MGAT5: variants seen among roughly 807,000 people sequenced by gnomAD.
The protein encoded by MGAT5 is alpha-1,6-mannosylglycoprotein 6-beta-N-acetylglucosaminyltransferase, also known as alpha-1,6-mannosylglycoprotein 6-beta-N-acetylglucosaminyltransferase A.
A neutral mutation model predicts 94.3 loss-of-function variants in MGAT5; 30 were observed. The ratio of observed to expected loss-of-function variants is 0.32; its 90% CI spans 0.24 to 0.43. The LOEUF (loss-of-function observed/expected upper bound fraction) is 0.43, where lower values mean the gene tolerates loss of function less well. MGAT5 is among the 20% of genes least tolerant of loss of function. The probability of loss-of-function intolerance (pLI) is 1.00; values close to 1 mark genes in which losing one functional copy is unlikely to be tolerated. For missense variants in MGAT5, 691 were observed against 905.5 expected (o/e 0.76, Z 3.04); for synonymous variants, 310 against 322.9 (o/e 0.96, Z 0.43).
intron 1 of MGAT5, among the ~76,000 whole-genome samples, chr2:134,223,203 T>G (rs1005639940): frequency 6.6e-6 from 1 of 152,178 alleles, no homozygotes; most frequent in Non-Finnish European, 1.5e-5. Flanking sequence ...TGTTTAGGCA[T>G]TTTTTGTACC....
At chr2:134,422,332 T>G (rs79383572) in intron 12 of MGAT5, among the ~76,000 whole-genome samples, 2,825 of 152,276 alleles carry the variant, frequency 0.019, 84 homozygotes, top group African/African-American at 0.065. Context: ...AAAAATTCTG[T>G]GTATTTCTGA....
In MGAT5 at chr2:134,450,885, G is replaced by A. The variant is rs1237697170; in HGVS notation, c.*2038G>A. The A allele has an allele frequency of 6.6e-6, 1 of 151,930 alleles. No individual in the cohort carries two copies. The highest frequency in any genetic ancestry group is 1.5e-5 in the Non-Finnish European group (1 of 68,182). The allele number at this position is 151,930 out of a possible 1,614,324, so 9.4% of individuals were successfully genotyped here. A position where few individuals can be genotyped will look rare whatever the true frequency, so the allele number is the denominator to read the frequency against. On this transcript the variant is annotated 3_prime_UTR_variant, in exon 16 of 16. Transcript: ENST00000281923. ...GGCAGTTTCCTGCAGTAGGAGGGCA[G>A]ATGACTGGCATCCTTGCTGTAAGGA...
At chr2:134,337,425 G>A (rs531118392) in intron 5 of MGAT5, among the ~76,000 whole-genome samples, 1 of 152,278 alleles carries the variant, frequency 6.6e-6, no homozygotes, top group East Asian at 1.9e-4. Context: ...CCAGTGAGCT[G>A]TGATTATGCC....
intron 11 of MGAT5, among the ~76,000 whole-genome samples, chr2:134,409,279 T>C (rs952433386): frequency 1.3e-5 from 2 of 152,204 alleles, no homozygotes; most frequent in African/African-American, 2.4e-5. Context: ...TAAAGCACTA[T>C]TGTTTTACCC....
chr2:134,380,620 A>G (rs1681479371), intron 10 of MGAT5, among the ~76,000 whole-genome samples: 2 of 152,214 alleles, frequency 1.3e-5, no homozygotes, highest in African/African-American at 2.4e-5. Context: ...AGAGAAGAGT[A>G]TAAATACTGA....
At chr2:134,326,674 G>A (rs1687664985) in intron 4 of MGAT5, among the ~76,000 whole-genome samples, 1 of 152,072 alleles carries the variant, frequency 6.6e-6, no homozygotes, top group Admixed American at 6.6e-5. Context: ...GTTGTGTTAT[G>A]TAAGGAGAGA....
chr2:134,362,979 A>G (rs915922669), intron 10 of MGAT5, among the ~76,000 whole-genome samples: 3 of 152,276 alleles, frequency 2.0e-5, no homozygotes, highest in South Asian at 2.1e-4. Context: ...CTCCAAAAGC[A>G]TTGGGCCCCT....
intron 2 of MGAT5, among the ~76,000 whole-genome samples, chr2:134,311,972 G>A (rs1435284717): frequency 1.3e-5 from 2 of 152,146 alleles, no homozygotes; most frequent in African/African-American, 2.4e-5. Flanking sequence ...TCTCCAGGCC[G>A]GGTACAGTGG....
intron 9 of MGAT5, among the ~76,000 whole-genome samples, chr2:134,353,460 C>T (rs985144020): frequency 1.3e-5 from 2 of 152,076 alleles, no homozygotes; most frequent in East Asian, 1.9e-4. Context: ...TTCTAGATTC[C>T]GGAATGATAC....
chr2:134,274,109 G>A (rs1335350544), intron 2 of MGAT5, among the ~76,000 whole-genome samples: 1 of 152,154 alleles, frequency 6.6e-6, no homozygotes, highest in Non-Finnish European at 1.5e-5. Context: ...ATGGGGAAAA[G>A]GTAAAAAGTA....
rs1353045722 is a variant in MGAT5 at position 134,122,178 on chromosome 2, C to T, written c.-143+1887C>T. Reference sequence around the variant, plus strand: ...GGAGTGCAATGGTGCGATCTCGGCTCACTGCAGCCTCAGCTTTCCGGGTTC... The same window carrying T: ...GGAGTGCAATGGTGCGATCTCGGCTTACTGCAGCCTCAGCTTTCCGGGTTC... On this transcript the variant is annotated intron_variant, in intron 1 of 16. Coordinates refer to the MGAT5 transcript ENST00000409645. Among the ~76,000 whole-genome samples, 6 of 151,814 alleles carry T rather than the reference C, an allele frequency of 4.0e-5. No homozygotes were observed. In the East Asian group the frequency reaches 9.7e-4, roughly 24 times the overall value.
chr2:134,441,639 C>T (rs765282682), intron 14 of MGAT5, 119 bp from the exon 15 acceptor site: 42 of 1,253,444 alleles, frequency 3.4e-5, no homozygotes, highest in Non-Finnish European at 4.7e-5. Context: ...TGGCTCCCAA[C>T]TCTTCCCCGT....
At chr2:134,182,392 C>T (rs1688775811) in intron 1 of MGAT5, among the ~76,000 whole-genome samples, 1 of 152,152 alleles carries the variant, frequency 6.6e-6, no homozygotes. Flanking sequence ...TGGCATCTGT[C>T]CGCAGGAAAC....
intron 12 of MGAT5, among the ~76,000 whole-genome samples, chr2:134,415,239 G>T (rs1381794219): frequency 6.6e-6 from 1 of 152,080 alleles, no homozygotes; most frequent in East Asian, 1.9e-4. Flanking sequence ...CACCAGCAGG[G>T]TACCAAGCTT....
At chr2:134,314,766 G>A (rs1686900573) in intron 2 of MGAT5, among the ~76,000 whole-genome samples, 1 of 152,158 alleles carries the variant, frequency 6.6e-6, no homozygotes, top group South Asian at 2.1e-4. Flanking sequence ...GACGTTCCAG[G>A]GAGAGGAAGG....
intron 1 of MGAT5, among the ~76,000 whole-genome samples, chr2:134,241,913 G>A (rs1681993250): frequency 6.6e-6 from 1 of 152,180 alleles, no homozygotes; most frequent in Admixed American, 6.5e-5. Flanking sequence ...AACTTTGAAA[G>A]ACTTTCAGGG....
chr2:134,296,296 T>G (rs189507674), intron 2 of MGAT5, among the ~76,000 whole-genome samples: 4 of 152,174 alleles, frequency 2.6e-5, no homozygotes, highest in Admixed American at 2.6e-4. Context: ...GACCTGGGAG[T>G]CAGTTTCTGG....
intron 1 of MGAT5, among the ~76,000 whole-genome samples, chr2:134,184,388 C>T (rs982601166): frequency 2.6e-5 from 4 of 152,160 alleles, no homozygotes; most frequent in Non-Finnish European, 4.4e-5. Context: ...GGGAAGGGTA[C>T]CCTTGAGTGT....
intron 1 of MGAT5, among the ~76,000 whole-genome samples, chr2:134,218,397 G>A (rs954089572): frequency 1.3e-5 from 2 of 152,188 alleles, no homozygotes; most frequent in Non-Finnish European, 2.9e-5. Context: ...AGCCTTCATT[G>A]GTGTTCACTA....
Sources: allele counts gnomAD v4.1 joint callset (sites outside exome capture counted in the v4.1 genomes callset), GRCh38; gene constraint gnomAD v4.1.1; transcripts MANE v1.5; gene names NCBI Gene and HGNC (gene_info 2026-07-23, HGNC 2026-07-21).